The following DTX4 variants were observed in gnomAD, a reference collection of about 807,000 sequenced individuals.
The protein encoded by DTX4 is E3 ubiquitin-protein ligase DTX4.
A neutral mutation model predicts 57.6 loss-of-function variants in DTX4; 28 were observed. The observed-to-expected ratio is 0.49, with a 90% CI of 0.36 to 0.67. The LOEUF (loss-of-function observed/expected upper bound fraction) is 0.67, where lower values mean the gene tolerates loss of function less well. Ranked by LOEUF, DTX4 falls within the 30% of genes least tolerant of loss-of-function variation. The pLI is 0.00. For missense variants in DTX4, 715 were observed against 836.8 expected (o/e 0.85, Z 1.80); for synonymous variants, 316 against 331.0 (o/e 0.95, Z 0.49).
chr11:59,207,883 G>A lies in DTX4; in HGVS notation c.*2974G>A, dbSNP rs539277118. The A allele has an allele frequency of 1.3e-5, 2 of 152,598 alleles. No homozygotes were observed. The highest frequency in any genetic ancestry group is 3.9e-4 in the East Asian group (2 of 5,166). 9.5% of individuals were successfully genotyped at this position (152,598 alleles called of 1,614,324 possible). ...TTTGTACATTTTGGTCTTCTCTGTG[G>A]TTTTATACTTGGTCAAAAGTACTCG... On this transcript the variant is annotated 3_prime_UTR_variant, in exon 9 of 9. Transcript: ENST00000227451.
rs557391217 is a variant in DTX4, at chr11:59,200,355, G to A, written c.1626+582G>A. 9.2e-5 allele frequency among the ~76,000 whole-genome samples: 14 copies of A among 152,296 alleles called. No individual in the cohort carries two copies. In the South Asian group the frequency reaches 2.9e-3, roughly 32 times the overall value. On this transcript the variant is annotated intron_variant, in intron 8 of 8. Coordinates refer to ENST00000227451, the MANE Select transcript of DTX4 (RefSeq NM_015177.2). ...GTGGGGACACAGCCAAACCATGTCAGTTTGTTTCCTCTCTCGGGTATTAGT... is the reference window on the plus strand; with the variant it reads ...GTGGGGACACAGCCAAACCATGTCAATTTGTTTCCTCTCTCGGGTATTAGT...
chr11:59,175,512 G>A (rs1862385133), intron 1 of DTX4, among the ~76,000 whole-genome samples: 1 of 152,110 alleles, frequency 6.6e-6, no homozygotes, highest in Non-Finnish European at 1.5e-5. Context: ...AGACTGCCTA[G>A]AGGTCTGATC....
At chr11:59,180,348 A>T (rs1387316804) in intron 1 of DTX4, among the ~76,000 whole-genome samples, 1 of 151,916 alleles carries the variant, frequency 6.6e-6, no homozygotes, top group African/African-American at 2.4e-5. Flanking sequence ...TGAATAGGGG[A>T]TTGTTCTGCT....
chr11:59,177,783 C>T (rs982837507), intron 1 of DTX4, among the ~76,000 whole-genome samples: 3 of 152,158 alleles, frequency 2.0e-5, no homozygotes, highest in African/African-American at 7.2e-5. Flanking sequence ...TTTTGTTATA[C>T]GAGTCCATGC....
At chr11:59,172,830 G>T in intron 1 of DTX4, 24 bp downstream of exon 1, 1 of 1,485,344 alleles carries the variant, frequency 6.7e-7, no homozygotes. Context: ...CCCTGACCCC[G>T]CCCCGCCTGC....
At chr11:59,198,033 C>T (rs1462825499) in intron 7 of DTX4, among the ~76,000 whole-genome samples, 6 of 152,190 alleles carry the variant, frequency 3.9e-5, no homozygotes, top group Non-Finnish European at 7.3e-5. Context: ...ACATTCATCC[C>T]TGAGTGTAAG....
chr11:59,201,282 G>A (rs1033026533), intron 8 of DTX4, among the ~76,000 whole-genome samples: 1 of 152,168 alleles, frequency 6.6e-6, no homozygotes, highest in Admixed American at 6.5e-5. Context: ...GTCACCTTGG[G>A]GGTGAGGATT....
At chr11:59,194,026 G>A (rs1862632257) in intron 6 of DTX4, among the ~76,000 whole-genome samples, 1 of 152,030 alleles carries the variant, frequency 6.6e-6, no homozygotes, top group African/African-American at 2.4e-5. Flanking sequence ...CGGTGTCCAG[G>A]CCCTCCTCCA....
intron 6 of DTX4, among the ~76,000 whole-genome samples, chr11:59,192,864 A>G (rs1862617249): frequency 6.6e-6 from 1 of 152,200 alleles, no homozygotes; most frequent in Non-Finnish European, 1.5e-5. Flanking sequence ...TGACAATGCA[A>G]TGGTATCCCC....
At chr11:59,197,778 G>A (rs1862692970) in intron 7 of DTX4, among the ~76,000 whole-genome samples, 1 of 152,182 alleles carries the variant, frequency 6.6e-6, no homozygotes, top group South Asian at 2.1e-4. Flanking sequence ...AATGAGTCAA[G>A]GTGATACAGA....
intron 7 of DTX4, among the ~76,000 whole-genome samples, chr11:59,198,595 T>C (rs1862702828): frequency 6.6e-6 from 1 of 152,208 alleles, no homozygotes; most frequent in African/African-American, 2.4e-5. Context: ...CCATGGTCCA[T>C]AATAAGAGAA....
chr11:59,194,904 G>A (rs1862642993), intron 6 of DTX4: 1 of 391,762 alleles, frequency 2.6e-6, no homozygotes, highest in South Asian at 2.6e-5. Flanking sequence ...CTGAGTGGCT[G>A]AATAATGACT....
chr11:59,185,976 G>A (rs189824082), intron 2 of DTX4, among the ~76,000 whole-genome samples: 1 of 152,236 alleles, frequency 6.6e-6, no homozygotes, highest in African/African-American at 2.4e-5. Flanking sequence ...TCTCCCAAAG[G>A]CAAAGCAGGT....
chr11:59,171,488 C>A (rs1590975401), upstream of DTX4: 1 of 152,344 alleles, frequency 6.6e-6, no homozygotes, highest in Non-Finnish European at 1.5e-5. Context: ...TTGCTCTCTA[C>A]GTAGGTAATA....
In DTX4 at chr11:59,183,553, C is replaced by T. The variant is rs376774365; in HGVS notation, c.935+1091C>T. Reference sequence around the variant, plus strand: ...TTTCTGTCTCCAGAGAGGCCTGGCTCTGCCTGTGGCCCCTGATCCCAGCTG... The same window carrying T: ...TTTCTGTCTCCAGAGAGGCCTGGCTTTGCCTGTGGCCCCTGATCCCAGCTG... On this transcript the variant is annotated intron_variant, in intron 2 of 8. Coordinates refer to ENST00000227451, the MANE Select transcript of DTX4 (RefSeq NM_015177.2). Among the ~76,000 whole-genome samples, 233 of 152,322 alleles carry T rather than the reference C, an allele frequency of 1.5e-3. 1 individual carries two copies. Among genetic ancestry groups the T allele is most frequent in the African/African-American group, 5.2e-3 (217 of 41,564 alleles).
intron 1 of DTX4, among the ~76,000 whole-genome samples, chr11:59,176,661 A>T (rs1862400158): frequency 6.6e-6 from 1 of 152,246 alleles, no homozygotes; most frequent in Non-Finnish European, 1.5e-5. Context: ...GATGTGTGTA[A>T]CATGCCCCAG....
chr11:59,198,416 A>G (rs572321447), intron 7 of DTX4, among the ~76,000 whole-genome samples: 1 of 152,284 alleles, frequency 6.6e-6, no homozygotes, highest in Non-Finnish European at 1.5e-5. Flanking sequence ...AAATTCATAA[A>G]TGTTGGATTC....
chr11:59,177,701 AC>A (rs202116073), intron 1 of DTX4, among the ~76,000 whole-genome samples: 1 of 149,984 alleles, frequency 6.7e-6, no homozygotes, highest in African/African-American at 2.5e-5. Context: ...GACACCCTTC[AC>A]CCCCCCAGCT....
intron 2 of DTX4, 25 bp downstream of exon 2, chr11:59,182,487 G>A (rs1294485661): frequency 1.3e-6 from 2 of 1,568,188 alleles, no homozygotes; most frequent in East Asian, 2.3e-5. Context: ...AGCTGCCTCA[G>A]AGCATTTACT....
Sources: gnomAD v4.1 joint callset for allele counts (sites outside exome capture counted in the v4.1 genomes callset) on GRCh38, gnomAD v4.1.1 for gene constraint, MANE v1.5 for transcripts, NCBI Gene and HGNC (gene_info 2026-07-23, HGNC 2026-07-21) for gene names.